LONRF3: variants seen among roughly 807,000 people sequenced by gnomAD.
The protein encoded by LONRF3 is LON peptidase N-terminal domain and ring finger 3.
In LONRF3, 19 loss-of-function variants were observed where a neutral mutation model predicts 51.7. That is an observed-to-expected ratio of 0.37 (90% CI 0.26 to 0.54). The LOEUF is 0.54. Among genes scored for constraint, LONRF3 ranks in the 20% least tolerant of loss-of-function variants. The pLI, the probability that LONRF3 is intolerant of heterozygous loss-of-function variation, is 0.86. For synonymous variants in LONRF3, 265 were observed against 257.8 expected, an observed-to-expected ratio of 1.03 and a Z score of -0.27; for missense variants, 521 against 623.9, an observed-to-expected ratio of 0.84 and a Z score of 1.76.
At chrX:119,017,069 T>C (rs1372347874) in intron 10 of LONRF3, among the ~76,000 whole-genome samples, 4 of 111,612 alleles carry the variant, frequency 3.6e-5, no homozygotes, top group Middle Eastern at 4.6e-3. Context: ...TCTTGGACAG[T>C]TAGGGCAGCT....
chrX:118,974,752 G>T lies in LONRF3; in HGVS notation c.-29G>T. 1 of 1,133,664 alleles carries T rather than the reference G, an allele frequency of 8.8e-7. No individual in the cohort carries two copies. Among genetic ancestry groups the T allele is most frequent in the East Asian group, 3.2e-5 (1 of 31,059 alleles). The allele number at this position is 1,133,664 out of a possible 1,213,427, so 93.4% of individuals were successfully genotyped here. On this transcript the variant is annotated 5_prime_UTR_variant, in exon 1 of 11. Coordinates refer to ENST00000371628, the MANE Select transcript of LONRF3 (RefSeq NM_001031855.3). ...TGCTTCGTGTCCCCGGTCCCTAGACGCCTCGTCTCCTCCCGTGTCCCTCTT... is the reference window on the plus strand; with the variant it reads ...TGCTTCGTGTCCCCGGTCCCTAGACTCCTCGTCTCCTCCCGTGTCCCTCTT...
Position 119,017,765 on chromosome X carries a change from T to A in LONRF3, c.*75T>A. 2.1e-6 allele frequency: 2 copies of A among 968,394 alleles called. No individual in the cohort carries two copies. The highest frequency in any genetic ancestry group is 2.8e-6 in the Non-Finnish European group (2 of 715,010). 79.8% of individuals were successfully genotyped at this position (968,394 alleles called of 1,213,427 possible). A position where few individuals can be genotyped will look rare whatever the true frequency, so the allele number is the denominator to read the frequency against. ...GGAGTCTTCTTGTAAATATATCTAATTGCAATAATATCTTAACAGAAGGGG... is the reference window on the plus strand; with the variant it reads ...GGAGTCTTCTTGTAAATATATCTAAATGCAATAATATCTTAACAGAAGGGG... On this transcript the variant is annotated 3_prime_UTR_variant, in exon 11 of 11. Coordinates refer to ENST00000371628, the MANE Select transcript of LONRF3 (RefSeq NM_001031855.3).
intron 5 of LONRF3, among the ~76,000 whole-genome samples, chrX:118,996,039 AAAAG>A (rs1408298095): frequency 1.8e-5 from 2 of 112,363 alleles, no homozygotes; most frequent in African/African-American, 6.5e-5. Context: ...GACAACCAAA[AAAAG>A]AAAACCACAT....
Position 118,988,178 on chromosome X carries a change from A to T in LONRF3, c.1060-1230A>T, listed in dbSNP as rs986498732. The stretch of plus-strand genomic sequence containing the variant: ...AATGCAGGTGCGCCCAACTTTTCTT[A>T]AAAAATGGCAGAACTTAGAGGATCT... On this transcript the variant is annotated intron_variant, in intron 3 of 10. Coordinates refer to ENST00000371628, the MANE Select transcript of LONRF3 (RefSeq NM_001031855.3). Among the ~76,000 whole-genome samples the T allele has an allele frequency of 1.8e-5, 2 of 111,902 alleles. 1 individual carries two copies. Among genetic ancestry groups the T allele is most frequent in the Admixed American group, 1.9e-4 (2 of 10,562 alleles).
In LONRF3 at chrX:118,982,504, G is replaced by C. The variant is rs181417756; in HGVS notation, c.937-317G>C. 3.6e-5 allele frequency among the ~76,000 whole-genome samples: 4 copies of C among 111,596 alleles called. No individual in the cohort carries two copies. The East Asian group carries it at 1.1e-3, about 31-fold the overall frequency. On this transcript the variant is annotated intron_variant, in intron 2 of 10. Transcript: ENST00000371628. ...TCTTGCTACATTTGATGGTCACTCC[G>C]TACAATGGTGGGGCAGAGACAAGGT...
intron 5 of LONRF3, among the ~76,000 whole-genome samples, chrX:118,999,796 G>C (rs1324042434): frequency 1.8e-5 from 2 of 111,794 alleles, no homozygotes; most frequent in Non-Finnish European, 3.8e-5. Flanking sequence ...TCCGTTCTAA[G>C]TGAGACTTCA....
chrX:118,979,502 C>T (rs963160248), intron 2 of LONRF3, among the ~76,000 whole-genome samples: 3 of 109,287 alleles, frequency 2.7e-5, no homozygotes, highest in African/African-American at 1.0e-4. Context: ...GCCATGTTGG[C>T]TGGTCTCAAA....
At chrX:119,014,088 T>C in intron 9 of LONRF3, 119 bp from the exon 10 acceptor site, 1 of 721,617 alleles carries the variant, frequency 1.4e-6, no homozygotes, top group Non-Finnish European at 2.0e-6. Flanking sequence ...GAAAGCTGAA[T>C]GGGTGAGCCT....
intron 3 of LONRF3, among the ~76,000 whole-genome samples, chrX:118,989,117 T>G (rs770339714): frequency 5.4e-5 from 6 of 111,249 alleles, no homozygotes; most frequent in African/African-American, 2.0e-4. Flanking sequence ...CCCTGGCATT[T>G]CCCCTTTTTA....
intron 3 of LONRF3, among the ~76,000 whole-genome samples, chrX:118,987,402 C>G (rs1569476285): frequency 9.6e-6 from 1 of 103,662 alleles, no homozygotes; most frequent in Non-Finnish European, 1.9e-5. Context: ...CTCAGCCTCC[C>G]GAGTAGCTGG....
At chrX:119,017,446 C>T (rs1424972757) in intron 10 of LONRF3, 89 bp from the exon 11 acceptor site, 4 of 932,175 alleles carry the variant, frequency 4.3e-6, no homozygotes, top group Non-Finnish European at 5.8e-6. Flanking sequence ...GTTGTTCTAC[C>T]TGGGGTCTTT....
intron 5 of LONRF3, among the ~76,000 whole-genome samples, chrX:118,994,351 A>T (rs981975330): frequency 9.0e-6 from 1 of 111,625 alleles, no homozygotes; most frequent in African/African-American, 3.3e-5. Context: ...AAGGCGTTTC[A>T]TGCAAATGGA....
chrX:119,011,089 G>A (rs1925073310), intron 7 of LONRF3, among the ~76,000 whole-genome samples: 1 of 106,576 alleles, frequency 9.4e-6, no homozygotes. Flanking sequence ...ACTCCAGCCT[G>A]GGTGACAGAG....
intron 1 of LONRF3, among the ~76,000 whole-genome samples, chrX:118,978,040 G>A (rs765383307): frequency 7.2e-4 from 80 of 111,228 alleles, no homozygotes; most frequent in Middle Eastern, 4.6e-3. Context: ...GACACTAGCC[G>A]TGTGTAGCCA....
chrX:118,979,897 G>A (rs886390560), intron 2 of LONRF3, among the ~76,000 whole-genome samples: 6 of 112,110 alleles, frequency 5.4e-5, no homozygotes, highest in Non-Finnish European at 1.9e-5. Flanking sequence ...TCTTTGCCTG[G>A]CTTCAGGACT....
At chrX:118,977,378 A>G (rs1398869) in intron 1 of LONRF3, among the ~76,000 whole-genome samples, 2,620 of 112,054 alleles carry the variant, frequency 0.023, 58 homozygotes, top group East Asian at 0.13. Flanking sequence ...TTCCCCTGGA[A>G]GTTCTTCCTT....
chrX:119,010,050 C>T (rs1183193935), intron 7 of LONRF3, among the ~76,000 whole-genome samples: 2 of 111,311 alleles, frequency 1.8e-5, no homozygotes, highest in East Asian at 2.8e-4. Flanking sequence ...GGATTACAGG[C>T]GTGAGCCACC....
intron 5 of LONRF3, among the ~76,000 whole-genome samples, chrX:119,001,054 T>C (rs913378753): frequency 8.9e-6 from 1 of 111,854 alleles, no homozygotes; most frequent in Non-Finnish European, 1.9e-5. Context: ...ATTGCTATTG[T>C]TTACTCCATC....
In LONRF3 at chrX:118,975,336, C is replaced by A. The variant is rs768975885; in HGVS notation, c.556C>A (p.Arg186=). The part of the protein sequence containing the change: ...TFCKLCLERG[R]AADRRCALCG... The stretch of plus-strand genomic sequence containing the variant: ...TTGTAAACTGTGCCTGGAACGTGGG[C>A]GGGCCGCCGACCGGCGCTGTGCGCT... The change falls in exon 1 of 11, where the codon CGG becomes AGG. Residue 186 remains arginine, a synonymous_variant. Transcript: ENST00000371628. 4.1e-6 allele frequency: 5 copies of A among 1,208,716 alleles called. No homozygotes were observed. The highest frequency in any genetic ancestry group is 2.3e-4 in the Middle Eastern group (1 of 4,320).
Sources: gnomAD v4.1 joint callset for allele counts (sites outside exome capture counted in the v4.1 genomes callset) on GRCh38, gnomAD v4.1.1 for gene constraint, MANE v1.5 for transcripts, NCBI Gene and HGNC (gene_info 2026-07-23, HGNC 2026-07-21) for gene names.